GABRA4: variants seen among roughly 807,000 people sequenced by gnomAD.
GABRA4 encodes gamma-aminobutyric acid receptor subunit alpha-4.
GABRA4 carries 12 observed loss-of-function variants against 49.7 expected under a neutral mutation model. That is an observed-to-expected ratio of 0.24 (90% CI 0.15 to 0.39). The LOEUF (loss-of-function observed/expected upper bound fraction) is 0.39. Among genes scored for constraint, GABRA4 ranks in the 10% least tolerant of loss-of-function variants. The pLI is 1.00. For missense variants in GABRA4, 506 were observed against 686.0 expected (o/e 0.74, Z 2.93); for synonymous variants, 288 against 240.2 (o/e 1.20, Z -1.84).
At chr4:46,968,372 A>G (rs994223810) in intron 7 of GABRA4, among the ~76,000 whole-genome samples, 2 of 151,156 alleles carry the variant, frequency 1.3e-5, no homozygotes, top group East Asian at 3.9e-4. Context: ...TAAATTTCTA[A>G]TGAAAAAAAA....
In GABRA4 at chr4:46,920,574, G is replaced by A. The variant is rs1720987922; in HGVS notation, c.*7651C>T. The A allele has an allele frequency of 6.6e-6, 1 of 151,580 alleles. No individual in the cohort carries two copies. Among genetic ancestry groups the A allele is most frequent in the African/African-American group, 2.4e-5 (1 of 41,348 alleles). The allele number at this position is 151,580 out of a possible 1,614,324, so 9.4% of individuals were successfully genotyped here. A position where few individuals can be genotyped will look rare whatever the true frequency, so the allele number is the denominator to read the frequency against. ...TATATGATCTGCAAAATTCAAGGGAGAATTTTTATCAAATTGTGTAAATCC... is the reference window on the plus strand; with the variant it reads ...TATATGATCTGCAAAATTCAAGGGAAAATTTTTATCAAATTGTGTAAATCC... On this transcript the variant is annotated 3_prime_UTR_variant, in exon 9 of 9. Coordinates refer to ENST00000264318, the MANE Select transcript of GABRA4 (RefSeq NM_000809.4).
intron 8 of GABRA4, among the ~76,000 whole-genome samples, chr4:46,961,888 G>A (rs1722589499): frequency 6.6e-6 from 1 of 151,796 alleles, no homozygotes; most frequent in African/African-American, 2.4e-5. Context: ...CTGCTTGTTT[G>A]CTTCTATGTT....
chr4:46,947,923 T>C (rs1380463740), intron 8 of GABRA4, among the ~76,000 whole-genome samples: 3 of 152,010 alleles, frequency 2.0e-5, no homozygotes, highest in Non-Finnish European at 4.4e-5. Flanking sequence ...GTGGTTTCAA[T>C]CAGAAGGGCT....
chr4:46,928,882 T>C, intron 8 of GABRA4, 127 bp from the exon 9 acceptor site: 1 of 626,926 alleles, frequency 1.6e-6, no homozygotes. Context: ...TAAGCTGTAG[T>C]CATCTTGATT....
intron 8 of GABRA4, among the ~76,000 whole-genome samples, chr4:46,942,086 C>G (rs1414429660): frequency 6.6e-6 from 1 of 152,132 alleles, no homozygotes; most frequent in East Asian, 1.9e-4. Flanking sequence ...ATTCATCCAG[C>G]CATCTAGTTA....
At chr4:46,930,847 C>A (rs1382892236) in intron 8 of GABRA4, among the ~76,000 whole-genome samples, 1 of 150,484 alleles carries the variant, frequency 6.6e-6, no homozygotes, top group African/African-American at 2.4e-5. Context: ...AAAAAAAAAA[C>A]CTGTTGTTTG....
chr4:46,969,061 A>G (rs1257155178), intron 7 of GABRA4, among the ~76,000 whole-genome samples: 1 of 151,620 alleles, frequency 6.6e-6, no homozygotes, highest in Admixed American at 6.6e-5. Context: ...GGTAAGTGCA[A>G]TCATTCATCC....
chr4:46,971,554 C>T (rs1302767651), intron 6 of GABRA4, among the ~76,000 whole-genome samples: 1 of 151,280 alleles, frequency 6.6e-6, no homozygotes, highest in South Asian at 2.1e-4. Context: ...TCATTTTCAG[C>T]GTTTTTTAGA....
At chr4:46,968,082 A>G (rs1470473038) in intron 7 of GABRA4, among the ~76,000 whole-genome samples, 2 of 151,578 alleles carry the variant, frequency 1.3e-5, no homozygotes, top group Admixed American at 6.6e-5. Flanking sequence ...CTCTGACCCA[A>G]CAAATTATCT....
intron 8 of GABRA4, among the ~76,000 whole-genome samples, chr4:46,945,987 T>G (rs1721965451): frequency 6.6e-6 from 1 of 152,140 alleles, no homozygotes. Flanking sequence ...GAGGTAACAT[T>G]GTCCTTGGGA....
rs1722657491 is a variant in GABRA4, at chr4:46,963,785, A to G, written c.1134+1185T>C. 2.6e-5 allele frequency among the ~76,000 whole-genome samples: 4 copies of G among 151,888 alleles called. No individual in the cohort carries two copies. In the South Asian group the frequency reaches 8.3e-4, roughly 31 times the overall value. On this transcript the variant is annotated intron_variant, in intron 8 of 8. Coordinates refer to ENST00000264318, the MANE Select transcript of GABRA4 (RefSeq NM_000809.4). The stretch of plus-strand genomic sequence containing the variant: ...TCTCACCCCAGGTAAAATAGCTTAT[A>G]TCCAAAAGGCAGGCAATAGCAAACA...
At chr4:46,947,247 C>A (rs975481312) in intron 8 of GABRA4, among the ~76,000 whole-genome samples, 1 of 151,914 alleles carries the variant, frequency 6.6e-6, no homozygotes, top group East Asian at 1.9e-4. Context: ...GGAAACATTC[C>A]TTTTTTAAAA....
chr4:46,965,798 A>T (rs1315035622), intron 7 of GABRA4, among the ~76,000 whole-genome samples: 2 of 151,818 alleles, frequency 1.3e-5, no homozygotes, highest in African/African-American at 4.8e-5. Flanking sequence ...ATCTTTAAAT[A>T]TTATCTATTG....
chr4:46,983,342 TA>T (rs993610425), intron 2 of GABRA4, among the ~76,000 whole-genome samples: 2 of 152,136 alleles, frequency 1.3e-5, no homozygotes, highest in African/African-American at 4.8e-5. Context: ...TTATTCTTAT[TA>T]CAGCATACTG....
At chr4:46,991,231 T>C (rs1159258297) in intron 2 of GABRA4, among the ~76,000 whole-genome samples, 1 of 152,116 alleles carries the variant, frequency 6.6e-6, no homozygotes, top group Admixed American at 6.5e-5. Context: ...ATACCCTCAA[T>C]GACTTCCCAT....
intron 2 of GABRA4, among the ~76,000 whole-genome samples, chr4:46,987,360 T>C (rs1723578395): frequency 6.6e-6 from 1 of 152,118 alleles, no homozygotes; most frequent in African/African-American, 2.4e-5. Context: ...CTCCACTAAT[T>C]ATTCTACTTA....
At position 46,928,761 on chromosome 4, in the gene GABRA4, A is replaced by T. The variant is rs1279422741; in HGVS notation, c.1135-6T>A. 6.3e-7 allele frequency: 1 copy of T among 1,581,408 alleles called. No homozygotes were observed. Among genetic ancestry groups the T allele is most frequent in the South Asian group, 1.1e-5 (1 of 88,098 alleles). On this transcript the variant is annotated splice_polypyrimidine_tract_variant and splice_region_variant and intron_variant, in intron 8 of 8. Coordinates refer to ENST00000264318, the MANE Select transcript of GABRA4 (RefSeq NM_000809.4). ...TTCAAATTGGCATTTGTATTCTGAA[A>T]AGGTATATGAAAAAATATATTGGTT... is the stretch of plus-strand genomic sequence containing the variant.
Position 46,921,290 on chromosome 4 carries a change from A to G in GABRA4, c.*6935T>C, listed in dbSNP as rs938425852. Reference sequence around the variant, plus strand: ...TAAGTACTTCACTAATCTACTGATGAATTGAAGGACAGGAAAATATAAACA... The same window carrying G: ...TAAGTACTTCACTAATCTACTGATGGATTGAAGGACAGGAAAATATAAACA... On this transcript the variant is annotated 3_prime_UTR_variant, in exon 9 of 9. Transcript: ENST00000264318. 2.6e-5 allele frequency: 4 copies of G among 151,966 alleles called. No homozygotes were observed. The highest frequency in any genetic ancestry group is 9.7e-5 in the African/African-American group (4 of 41,426). The allele number at this position is 151,966 out of a possible 1,614,324, so 9.4% of individuals were successfully genotyped here. A position where few individuals can be genotyped will look rare whatever the true frequency, so the allele number is the denominator to read the frequency against.
At chr4:46,973,802 T>C (rs1420629429) in intron 6 of GABRA4, among the ~76,000 whole-genome samples, 1 of 151,776 alleles carries the variant, frequency 6.6e-6, no homozygotes, top group East Asian at 1.9e-4. Context: ...AAGTTTTAGA[T>C]TTTTGTTTAC....
Sources: gnomAD v4.1 joint callset for allele counts (sites outside exome capture counted in the v4.1 genomes callset) on GRCh38, gnomAD v4.1.1 for gene constraint, MANE v1.5 for transcripts, NCBI Gene and HGNC (gene_info 2026-07-23, HGNC 2026-07-21) for gene names.